Variants in ANKRD55 observed in about 807,000 individuals in gnomAD.
ANKRD55 encodes ankyrin repeat domain-containing protein 55.
In ANKRD55, 41 loss-of-function variants were observed where a neutral mutation model predicts 60.6. That is an observed-to-expected ratio of 0.68 (90% CI 0.53 to 0.88). The LOEUF is 0.88. Ranked by LOEUF, ANKRD55 falls within the 40% of genes least tolerant of loss-of-function variation. The probability of loss-of-function intolerance (pLI) is 0.00; values close to 1 mark genes in which losing one functional copy is unlikely to be tolerated. For synonymous variants in ANKRD55, 264 were observed against 290.3 expected (o/e 0.91, Z 0.92); for missense variants, 732 against 767.6 (o/e 0.95, Z 0.55).
intron 6 of ANKRD55, among the ~76,000 whole-genome samples, chr5:56,152,006 A>T (rs886067423): frequency 1.3e-5 from 2 of 148,608 alleles, no homozygotes; most frequent in African/African-American, 4.9e-5. Context: ...ACTGAACTAG[A>T]AACTGGGGAT....
At chr5:56,148,899 G>T (rs1561270345) in intron 6 of ANKRD55, among the ~76,000 whole-genome samples, 1 of 152,120 alleles carries the variant, frequency 6.6e-6, no homozygotes, top group South Asian at 2.1e-4. Flanking sequence ...TGAGAGGTCA[G>T]TAAACAATTC....
intron 3 of ANKRD55, among the ~76,000 whole-genome samples, chr5:56,177,001 G>C (rs1440316726): frequency 6.6e-6 from 1 of 150,944 alleles, no homozygotes; most frequent in Admixed American, 6.6e-5. Flanking sequence ...TGGAGATTGT[G>C]ATTCTTCTCC....
At position 56,232,920 on chromosome 5, in the gene ANKRD55, T is replaced by C; in HGVS notation, c.-7A>G. 2 of 1,614,028 alleles carry C rather than the reference T, an allele frequency of 1.2e-6. No individual in the cohort carries two copies. The highest frequency in any genetic ancestry group is 1.7e-6 in the Non-Finnish European group (2 of 1,179,952). On this transcript the variant is annotated 5_prime_UTR_variant, in exon 2 of 12. An upstream start codon of the reference 5' UTR is lost. Coordinates refer to ENST00000341048, the MANE Select transcript of ANKRD55 (RefSeq NM_024669.3). ...TGGTAGCCTGTCTCATCATTTACCA[T>C]CAGAATGGCAAAAAGCATCCAGGTC... is the stretch of plus-strand genomic sequence containing the variant.
chr5:56,118,421 C>T (rs745679628), intron 8 of ANKRD55, among the ~76,000 whole-genome samples: 4 of 152,026 alleles, frequency 2.6e-5, no homozygotes, highest in Non-Finnish European at 4.4e-5. Flanking sequence ...GTCAGGAGAT[C>T]GAGACCATCC....
intron 6 of ANKRD55, among the ~76,000 whole-genome samples, chr5:56,154,146 A>G (rs1758130859): frequency 7.1e-6 from 1 of 139,910 alleles, no homozygotes; most frequent in Admixed American, 8.0e-5. Context: ...GCTTGCAGTG[A>G]GCCAAGATCG....
At chr5:56,220,029 G>A (rs1333641844) in intron 2 of ANKRD55, among the ~76,000 whole-genome samples, 3 of 152,224 alleles carry the variant, frequency 2.0e-5, no homozygotes, top group Non-Finnish European at 4.4e-5. Flanking sequence ...GCTGCCTGCT[G>A]CACCGGAGGC....
chr5:56,106,621 G>A (rs536901086), intron 10 of ANKRD55, among the ~76,000 whole-genome samples: 9 of 151,968 alleles, frequency 5.9e-5, no homozygotes, highest in African/African-American at 1.9e-4. Flanking sequence ...TAGTAGAGAT[G>A]GGGTTTCACT....
chr5:56,173,582 C>CTATATATATATATA (rs1182603115), intron 4 of ANKRD55, among the ~76,000 whole-genome samples: 11 of 45,234 alleles, frequency 2.4e-4, no homozygotes, highest in South Asian at 1.5e-3. Context: ...CTCTCTCTCT[C>CTATATATATATATA]TATATATATA....
chr5:56,134,889 G>C lies in ANKRD55; in HGVS notation c.613-7783C>G, dbSNP rs1447210042. 4.6e-5 allele frequency among the ~76,000 whole-genome samples: 7 copies of C among 152,200 alleles called. No homozygotes were observed. In the East Asian group the frequency reaches 1.4e-3, roughly 29 times the overall value. ...AATAGAATCTAGCAACGTAAAAAAA[G>C]AATTATACATCATGGTCAAATAGGA... is the stretch of plus-strand genomic sequence containing the variant. On this transcript the variant is annotated intron_variant, in intron 7 of 11. Coordinates refer to ENST00000341048, the MANE Select transcript of ANKRD55 (RefSeq NM_024669.3).
chr5:56,159,164 G>A lies in ANKRD55; in HGVS notation c.483+669C>T, dbSNP rs560795423. On this transcript the variant is annotated intron_variant, in intron 6 of 11. Coordinates refer to ENST00000341048, the MANE Select transcript of ANKRD55 (RefSeq NM_024669.3). ...CACCCACCTCTCTGCCATCTTACAC[G>A]AGAGAGCATGTCTTAGGCTGAGTGC... Among the ~76,000 whole-genome samples the A allele has an allele frequency of 7.9e-5, 12 of 152,272 alleles. No individual in the cohort carries two copies. In the South Asian group the frequency reaches 2.3e-3, roughly 29 times the overall value.
At chr5:56,179,895 T>C (rs935063452) in intron 3 of ANKRD55, among the ~76,000 whole-genome samples, 2 of 152,262 alleles carry the variant, frequency 1.3e-5, no homozygotes, top group African/African-American at 4.8e-5. Flanking sequence ...TAACTTTGAA[T>C]ACTCTAGATG....
At chr5:56,217,984 G>A (rs914093698) in intron 2 of ANKRD55, among the ~76,000 whole-genome samples, 1 of 152,182 alleles carries the variant, frequency 6.6e-6, no homozygotes, top group Non-Finnish European at 1.5e-5. Context: ...TCTTAGAGGA[G>A]TTCAGAACTT....
chr5:56,166,154 C>CTTTCTTTCTCTCTTCT (rs11283204), intron 5 of ANKRD55, among the ~76,000 whole-genome samples: 1 of 71,476 alleles, frequency 1.4e-5, no homozygotes, highest in Non-Finnish European at 2.5e-5. Flanking sequence ...TTCTTTCTTT[C>CTTTCTTTCTCTCTTCT]TTCTTTCCTT....
rs749250034 is a variant in ANKRD55 at position 56,159,895 on chromosome 5, T to C, written c.423-2A>G. On this transcript the variant is annotated splice_acceptor_variant, in intron 5 of 11. Coordinates refer to ENST00000341048, the MANE Select transcript of ANKRD55 (RefSeq NM_024669.3). LOFTEE classifies it high-confidence loss of function. ...TGTTGCAACAGGACCGTGAGGAGCC[T>C]GTAAGGAAAAAATAGGAGAAATGGC... 3.1e-6 allele frequency: 5 copies of C among 1,613,018 alleles called. No individual in the cohort carries two copies. The highest frequency in any genetic ancestry group is 3.4e-6 in the Non-Finnish European group (4 of 1,179,256).
chr5:56,124,431 G>T (rs1479941141), intron 8 of ANKRD55, among the ~76,000 whole-genome samples: 1 of 152,144 alleles, frequency 6.6e-6, no homozygotes, highest in Non-Finnish European at 1.5e-5. Context: ...AGAAGGAAAG[G>T]GAAATCACAA....
At chr5:56,151,559 T>A (rs1758044964) in intron 6 of ANKRD55, among the ~76,000 whole-genome samples, 1 of 152,116 alleles carries the variant, frequency 6.6e-6, no homozygotes, top group Non-Finnish European at 1.5e-5. Context: ...ACGCCTATAA[T>A]CCCAGCACTT....
chr5:56,123,916 T>G (rs1757155200), intron 8 of ANKRD55, among the ~76,000 whole-genome samples: 1 of 152,164 alleles, frequency 6.6e-6, no homozygotes, highest in Non-Finnish European at 1.5e-5. Context: ...CTGCCTCAGC[T>G]GTCACAGCAG....
intron 7 of ANKRD55, among the ~76,000 whole-genome samples, chr5:56,138,126 TC>T (rs1468234733): frequency 1.6e-5 from 2 of 123,166 alleles, no homozygotes; most frequent in African/African-American, 6.1e-5. Context: ...GGTTTCTTTT[TC>T]TTTTTTTTTT....
chr5:56,104,641 C>T (rs1161293059), intron 10 of ANKRD55, among the ~76,000 whole-genome samples: 3 of 151,844 alleles, frequency 2.0e-5, no homozygotes, highest in Admixed American at 1.3e-4. Flanking sequence ...TGATGGAACC[C>T]GAGGTGACTG....
Sources: gnomAD v4.1 joint callset for allele counts (sites outside exome capture counted in the v4.1 genomes callset) on GRCh38, gnomAD v4.1.1 for gene constraint, MANE v1.5 for transcripts, NCBI Gene and HGNC (gene_info 2026-07-23, HGNC 2026-07-21) for gene names.